Variants in AKAP14 observed in about 807,000 individuals in gnomAD.
AKAP14 encodes A-kinase anchoring protein 14.
Under a neutral mutation model 17.0 loss-of-function variants are expected in AKAP14, and 4 were observed. That is an observed-to-expected ratio of 0.23 (90% CI 0.12 to 0.54). The LOEUF is 0.54. Among genes scored for constraint, AKAP14 ranks in the 20% least tolerant of loss-of-function variants. The pLI is 0.95. For synonymous variants in AKAP14, 42 were observed against 51.3 expected (o/e 0.82, Z 0.77); for missense variants, 129 against 150.9 (o/e 0.85, Z 0.76).
chrX:119,908,642 T>C (rs1226349585), intron 4 of AKAP14, among the ~76,000 whole-genome samples: 2 of 112,127 alleles, frequency 1.8e-5, no homozygotes, highest in African/African-American at 6.5e-5. Context: ...CTTGTGCATA[T>C]ACTTCTATGT....
chrX:119,896,755 C>G (rs1229826101), intron 2 of AKAP14, among the ~76,000 whole-genome samples: 2 of 109,070 alleles, frequency 1.8e-5, no homozygotes, highest in African/African-American at 3.3e-5. Flanking sequence ...TTGCTGAAAG[C>G]AAAGTTACTG....
At chrX:119,906,718 A>T (rs2056600443) in intron 4 of AKAP14, among the ~76,000 whole-genome samples, 1 of 110,387 alleles carries the variant, frequency 9.1e-6, no homozygotes, top group Non-Finnish European at 1.9e-5. Flanking sequence ...TTTATTTTTA[A>T]TTTTTAGTAG....
At chrX:119,903,663 T>G in intron 4 of AKAP14, 77 bp downstream of exon 4, 1 of 1,184,013 alleles carries the variant, frequency 8.4e-7, no homozygotes, top group African/African-American at 1.8e-5. Flanking sequence ...ATCAAAAGTT[T>G]GAAGTCTGGA....
At chrX:119,900,285 G>T (rs1043427776) in intron 2 of AKAP14, among the ~76,000 whole-genome samples, 51 of 112,012 alleles carry the variant, frequency 4.6e-4, no homozygotes, top group Non-Finnish European at 9.0e-4. Context: ...TAGAGACGGG[G>T]TTTTGCCTTG....
intron 4 of AKAP14, among the ~76,000 whole-genome samples, chrX:119,911,385 T>C (rs1042217093): frequency 1.8e-5 from 2 of 109,216 alleles, no homozygotes. Flanking sequence ...AATTTTTTAA[T>C]ATGGAGACTA....
At chrX:119,919,703 G>T in intron 5 of AKAP14, 1 of 337,141 alleles carries the variant, frequency 3.0e-6, no homozygotes, top group Non-Finnish European at 5.2e-6. Context: ...AAAAATAGCT[G>T]GGTGTGGTGG....
chrX:119,907,884 C>CT (rs937233792), intron 4 of AKAP14, among the ~76,000 whole-genome samples: 19 of 112,018 alleles, frequency 1.7e-4, no homozygotes, highest in Non-Finnish European at 5.6e-5. Flanking sequence ...AGGAAAAGTA[C>CT]TTTTGGATGA....
At position 119,909,347 on chromosome X, in the gene AKAP14, C is replaced by G. The variant is rs2056614936; in HGVS notation, c.262-5352C>G. Reference sequence around the variant, plus strand: ...ACTATATGTGCTGCCGAAGCGAGCACAGAAACTCCATCTCTACTAAAAATA... The same window carrying G: ...ACTATATGTGCTGCCGAAGCGAGCAGAGAAACTCCATCTCTACTAAAAATA... On this transcript the variant is annotated intron_variant, in intron 4 of 6. Transcript: ENST00000371431. 2.8e-5 allele frequency among the ~76,000 whole-genome samples: 3 copies of G among 108,957 alleles called. 1 individual carries two copies. The South Asian group carries it at 1.2e-3, about 43-fold the overall frequency. 94.6% of individuals were successfully genotyped at this position (108,957 alleles called of 115,157 possible).
chrX:119,903,474 A>G (rs772358765), intron 3 of AKAP14, 21 bp from the exon 4 acceptor site: 1 of 1,209,932 alleles, frequency 8.3e-7, no homozygotes, highest in African/African-American at 1.8e-5. Flanking sequence ...CAACTAACGA[A>G]CTCACACCTT....
chrX:119,913,589 A>G lies in AKAP14; in HGVS notation c.262-1110A>G, dbSNP rs542589099. Among the ~76,000 whole-genome samples, 166 of 111,964 alleles carry G rather than the reference A, an allele frequency of 1.5e-3. 1 individual carries two copies. The highest frequency in any genetic ancestry group is 5.1e-3 in the African/African-American group (159 of 30,901). ...TCAGGAGTTTGAGATCAGCCTGGGCAACATGGTGAAACCCCATCTCTACCA... is the reference window on the plus strand; with the variant it reads ...TCAGGAGTTTGAGATCAGCCTGGGCGACATGGTGAAACCCCATCTCTACCA... On this transcript the variant is annotated intron_variant, in intron 4 of 6. Transcript: ENST00000371431.
chrX:119,919,174 C>T (rs766647951), intron 5 of AKAP14, among the ~76,000 whole-genome samples: 1 of 111,413 alleles, frequency 9.0e-6, no homozygotes, highest in African/African-American at 3.3e-5. Context: ...ATTTTGGAGG[C>T]GAGGATGGGA....
intron 6 of AKAP14, among the ~76,000 whole-genome samples, chrX:119,920,281 CTT>C (rs2056681676): frequency 9.0e-6 from 1 of 110,960 alleles, no homozygotes; most frequent in African/African-American, 3.3e-5. Flanking sequence ...TAGCAGCTCT[CTT>C]AAAGTATCTT....
Position 119,912,241 on chromosome X carries a change from G to C in AKAP14, c.262-2458G>C, listed in dbSNP as rs775768537. Among the ~76,000 whole-genome samples, 3 of 110,334 alleles carry C rather than the reference G, an allele frequency of 2.7e-5. No individual in the cohort carries two copies. The East Asian group carries it at 8.8e-4, about 32-fold the overall frequency. On this transcript the variant is annotated intron_variant, in intron 4 of 6. Transcript: ENST00000371431. ...CCACTAAGCTTGCGCCCGGCCCACG[G>C]GAGGTTTTTGAGCTGATCAGCTATG...
intron 4 of AKAP14, among the ~76,000 whole-genome samples, chrX:119,913,068 G>A (rs1441062082): frequency 9.2e-6 from 1 of 108,580 alleles, no homozygotes; most frequent in Admixed American, 1.0e-4. Context: ...CAGGCGGATT[G>A]CTCGAGCCCA....
At chrX:119,902,682 G>GT (rs993720517) in intron 2 of AKAP14, among the ~76,000 whole-genome samples, 23 of 110,743 alleles carry the variant, frequency 2.1e-4, no homozygotes, top group African/African-American at 6.2e-4. Flanking sequence ...TCATTATGGT[G>GT]TTTTTTTTGT....
At chrX:119,905,050 C>CAAA (rs35528603) in intron 4 of AKAP14, among the ~76,000 whole-genome samples, 252 of 95,252 alleles carry the variant, frequency 2.6e-3, no homozygotes, top group African/African-American at 9.1e-3. Context: ...GACCCTGTCT[C>CAAA]AAAAAAAAAA....
At chrX:119,920,359 A>G in intron 6 of AKAP14, 149 bp from the exon 7 acceptor site, 1 of 436,432 alleles carries the variant, frequency 2.3e-6, no homozygotes, top group Non-Finnish European at 3.9e-6. Context: ...AGACATAGAG[A>G]ACCTTAGCTA....
chrX:119,901,705 C>CAA (rs111456671), intron 2 of AKAP14, among the ~76,000 whole-genome samples: 162 of 77,975 alleles, frequency 2.1e-3, no homozygotes, highest in African/African-American at 6.7e-3. Flanking sequence ...AACTTTGTCT[C>CAA]AAAAAAAAAA....
rs766314201 is a variant in AKAP14 at position 119,903,140 on chromosome X, T to C, written c.-10-74T>C. 20 of 975,266 alleles carry C rather than the reference T, an allele frequency of 2.1e-5. No homozygotes were observed. The African/African-American group carries it at 3.5e-4, about 17-fold the overall frequency. 80.4% of individuals were successfully genotyped at this position (975,266 alleles called of 1,213,427 possible). On this transcript the variant is annotated intron_variant, in intron 2 of 6. Transcript: ENST00000371431. ...CTGTCTCTTGTGATTCTTCAAGAGA[T>C]GATCTGTACTTATATGAGTGCGTTC...
Sources: allele counts gnomAD v4.1 joint callset (sites outside exome capture counted in the v4.1 genomes callset), GRCh38; gene constraint gnomAD v4.1.1; transcripts MANE v1.5; gene names NCBI Gene and HGNC (gene_info 2026-07-23, HGNC 2026-07-21).